The following ATAD5 variants were observed in gnomAD, a reference collection of about 807,000 sequenced individuals.
ATAD5 encodes the protein ATPase family AAA domain-containing protein 5.
Under a neutral mutation model 176.9 loss-of-function variants are expected in ATAD5, and 58 were observed. That is an observed-to-expected ratio of 0.33 (90% confidence interval 0.27 to 0.41). ATAD5 has a LOEUF of 0.41. ATAD5 is among the 10% of genes least tolerant of loss of function. The pLI, the probability that ATAD5 is intolerant of heterozygous loss-of-function variation, is 1.00. For synonymous variants in ATAD5, 640 were observed against 712.6 expected, an observed-to-expected ratio of 0.90 and a Z score of 1.62; for missense variants, 1,789 against 2,094.1, an observed-to-expected ratio of 0.85 and a Z score of 2.84.
intron 19 of ATAD5, among the ~76,000 whole-genome samples, chr17:30,888,777 A>T (rs1405855528): frequency 6.6e-6 from 1 of 152,056 alleles, no homozygotes; most frequent in Non-Finnish European, 1.5e-5. Context: ...TTTTAAAAAA[A>T]CACACACAGG....
chr17:30,868,448 T>A, intron 12 of ATAD5, 36 bp downstream of exon 12: 1 of 1,378,598 alleles, frequency 7.3e-7, no homozygotes, highest in South Asian at 1.6e-5. Flanking sequence ...TTTTACCATT[T>A]CACTGAACAT....
Position 30,866,185 on chromosome 17 carries a change from ATTTTTTTTTTTTTTT to A in ATAD5, c.3233+400_3233+414del, listed in dbSNP as rs542432593. Among the ~76,000 whole-genome samples, 656 of 79,286 alleles carry A rather than the reference ATTTTTTTTTTTTTTT, an allele frequency of 8.3e-3. 3 individuals carry two copies. The highest frequency in any genetic ancestry group is 0.019 in the African/African-American group (273 of 14,644). The allele number at this position is 79,286 out of a possible 152,430, so 52.0% of individuals were successfully genotyped here. A position where few individuals can be genotyped will look rare whatever the true frequency, so the allele number is the denominator to read the frequency against. On this transcript the variant is annotated intron_variant, in intron 11 of 22. Transcript: ENST00000321990. Reference sequence around the variant, plus strand: ...CCTTTACACTTAGTAGAATTTACAAATTTTTTTTTTTTTTTTTTTTTTTTTTTTTCAAGACAGAGT... The same window carrying A: ...CCTTTACACTTAGTAGAATTTACAAATTTTTTTTTTTTTTCAAGACAGAGT...
Position 30,843,971 on chromosome 17 carries a change from A to G in ATAD5, c.2300A>G (p.Gln767Arg). The G allele has an allele frequency of 6.4e-7, 1 of 1,550,798 alleles. No homozygotes were observed. Among genetic ancestry groups the G allele is most frequent in the Admixed American group, 1.9e-5 (1 of 51,648 alleles). ...PTALKHPEKN[Q>R]KKLQCLNDVL... ...GCTTTAAAGCATCCAGAGAAAAATCAGAAGAAACTTCAGTGTTTGAATGAT... is the reference window on the plus strand; with the variant it reads ...GCTTTAAAGCATCCAGAGAAAAATCGGAAGAAACTTCAGTGTTTGAATGAT... Residue 767 changes from glutamine (Q) to arginine (R), a missense_variant, in exon 5 of 23, where the codon CAG becomes CGG. Physicochemically the swap from Gln to Arg is conservative, Grantham distance 43 (BLOSUM62 1). Transcript: ENST00000321990.
rs1908223394 is a variant in ATAD5 at position 30,869,597 on chromosome 17, C to T, written c.3558C>T (p.Asn1186=). The T allele has an allele frequency of 6.2e-7, 1 of 1,602,364 alleles. No homozygotes were observed. Among genetic ancestry groups the T allele is most frequent in the African/African-American group, 1.4e-5 (1 of 74,044 alleles). The change falls in exon 14 of 23, where the codon AAC becomes AAT. Residue 1186 remains asparagine (N), a synonymous_variant. Coordinates refer to ENST00000321990, the MANE Select transcript of ATAD5 (RefSeq NM_024857.5). ...ATCAAGTAGACAAACAAGGTGTAAA[C>T]TCACAAAAACCCTGTTTTTTTAATA... The part of the protein sequence containing the change: ...QSHQVDKQGV[N]SQKPCFFNSY...
chr17:30,865,939 C>A, intron 11 of ATAD5, 139 bp downstream of exon 11: 1 of 507,284 alleles, frequency 2.0e-6, no homozygotes, highest in Non-Finnish European at 3.3e-6. Context: ...TGAAAAGTAG[C>A]CCTCTTTTCT....
chr17:30,887,830 A>G (rs1208990675), intron 19 of ATAD5, among the ~76,000 whole-genome samples: 2 of 151,882 alleles, frequency 1.3e-5, no homozygotes, highest in Non-Finnish European at 2.9e-5. Context: ...AAAAGAAAAA[A>G]TTATTTATTT....
Position 30,894,771 on chromosome 17 carries a change from A to G in ATAD5, c.5456+49A>G, listed in dbSNP as rs374388515. 1.3e-5 allele frequency: 21 copies of G among 1,560,824 alleles called. No homozygotes were observed. The African/African-American group carries it at 2.9e-4, about 22-fold the overall frequency. The stretch of plus-strand genomic sequence containing the variant: ...ATTTTAGATAGCTTTTTCAAGATTA[A>G]TACATATTTTCATAAGATGAAAATG... On this transcript the variant is annotated intron_variant, in intron 22 of 22. Coordinates refer to ENST00000321990, the MANE Select transcript of ATAD5 (RefSeq NM_024857.5).
intron 14 of ATAD5, among the ~76,000 whole-genome samples, chr17:30,871,172 T>A (rs1908311938): frequency 6.7e-6 from 1 of 148,198 alleles, no homozygotes; most frequent in Middle Eastern, 3.4e-3. Flanking sequence ...TAGTATCTAG[T>A]ATGCTGTCAC....
intron 19 of ATAD5, among the ~76,000 whole-genome samples, chr17:30,890,106 A>G (rs1598000526): frequency 6.6e-6 from 1 of 151,732 alleles, no homozygotes; most frequent in Admixed American, 6.6e-5. Flanking sequence ...CCAGCCTGGT[A>G]TTGAACTCCT....
At chr17:30,894,367 AC>A (rs1018666275) in intron 21 of ATAD5, among the ~76,000 whole-genome samples, 196 bp from the exon 22 acceptor site, 3 of 152,046 alleles carry the variant, frequency 2.0e-5, no homozygotes, top group Admixed American at 1.3e-4. Context: ...TGCTTGAATG[AC>A]CCAGGAAGGA....
At chr17:30,844,284 A>G (rs1165374067) in intron 5 of ATAD5, among the ~76,000 whole-genome samples, 1 of 151,894 alleles carries the variant, frequency 6.6e-6, no homozygotes, top group African/African-American at 2.4e-5. Context: ...GGCACCCACC[A>G]CCATGCCCGG....
At chr17:30,848,624 A>C (rs1216969020) in intron 6 of ATAD5, among the ~76,000 whole-genome samples, 1 of 152,196 alleles carries the variant, frequency 6.6e-6, no homozygotes, top group Non-Finnish European at 1.5e-5. Context: ...TGAAACCACC[A>C]TAATCAAGAT....
In ATAD5 at chr17:30,868,414, T is replaced by A; in HGVS notation, c.3313+2T>A. On this transcript the variant is annotated splice_donor_variant, in intron 12 of 22. Transcript: ENST00000321990. LOFTEE classifies it high-confidence loss of function. Reference sequence around the variant, plus strand: ...GAAAAAGAGATGAGAAACATGAAGGTATTTTGTGTGTCTTTTTTTTTTTTT... The same window carrying A: ...GAAAAAGAGATGAGAAACATGAAGGAATTTTGTGTGTCTTTTTTTTTTTTT... The A allele has an allele frequency of 6.6e-7, 1 of 1,525,554 alleles. No individual in the cohort carries two copies. The allele number at this position is 1,525,554 out of a possible 1,614,324, so 94.5% of individuals were successfully genotyped here. A position where few individuals can be genotyped will look rare whatever the true frequency, so the allele number is the denominator to read the frequency against.
intron 6 of ATAD5, among the ~76,000 whole-genome samples, chr17:30,848,573 A>G (rs1043434100): frequency 1.3e-5 from 2 of 152,120 alleles, no homozygotes; most frequent in Non-Finnish European, 2.9e-5. Flanking sequence ...CTATCAATTC[A>G]AAGTGTGTAT....
intron 4 of ATAD5, among the ~76,000 whole-genome samples, chr17:30,843,398 A>T (rs1008473895): frequency 2.0e-5 from 3 of 151,890 alleles, no homozygotes; most frequent in Non-Finnish European, 4.4e-5. Flanking sequence ...CACTCCTGTA[A>T]TCCCCGCACT....
chr17:30,869,563 C>T lies in ATAD5; in HGVS notation c.3524C>T (p.Thr1175Ile), dbSNP rs1318960567. ...RQILSQLKEA[T>I]QSHQVDKQGV... Reference sequence around the variant, plus strand: ...ATTCTATCTCAGTTGAAGGAAGCTACTCAGTCCCATCAAGTAGACAAACAA... The same window carrying T: ...ATTCTATCTCAGTTGAAGGAAGCTATTCAGTCCCATCAAGTAGACAAACAA... Residue 1175 changes from threonine (T) to isoleucine (I), a missense_variant, in exon 14 of 23, where the codon ACT (threonine) becomes ATT (isoleucine). Coordinates refer to ENST00000321990, the MANE Select transcript of ATAD5 (RefSeq NM_024857.5). The T allele has an allele frequency of 6.2e-7, 1 of 1,611,846 alleles. No individual in the cohort carries two copies. The highest frequency in any genetic ancestry group is 8.5e-7 in the Non-Finnish European group (1 of 1,179,522).
chr17:30,842,526 T>C (rs982151041), intron 4 of ATAD5, among the ~76,000 whole-genome samples: 1 of 152,180 alleles, frequency 6.6e-6, no homozygotes, highest in Non-Finnish European at 1.5e-5. Context: ...TGTCTGTGTA[T>C]TCCCAATTTC....
chr17:30,855,372 G>A, intron 7 of ATAD5, 45 bp downstream of exon 7: 1 of 1,502,136 alleles, frequency 6.7e-7, no homozygotes, highest in Non-Finnish European at 9.0e-7. Flanking sequence ...TCAGCTGTTA[G>A]CAGGAACATT....
chr17:30,863,883 T>C (rs1293659563), intron 10 of ATAD5: 2 of 152,234 alleles, frequency 1.3e-5, no homozygotes, highest in African/African-American at 4.8e-5. Flanking sequence ...CAGGCTGGTC[T>C]CGAACTCCTG....
Sources: gnomAD v4.1 joint callset for allele counts (sites outside exome capture counted in the v4.1 genomes callset) on GRCh38, gnomAD v4.1.1 for gene constraint, MANE v1.5 for transcripts, NCBI Gene and HGNC (gene_info 2026-07-23, HGNC 2026-07-21) for gene names.